STON2: variants seen among roughly 807,000 people sequenced by gnomAD.
The protein encoded by STON2 is stonin-2.
A neutral mutation model predicts 65.7 loss-of-function variants in STON2; 29 were observed. That is an observed-to-expected ratio of 0.44 (90% confidence interval 0.33 to 0.60). The LOEUF (loss-of-function observed/expected upper bound fraction) is 0.60. STON2 is among the 20% of genes least tolerant of loss of function. The probability of loss-of-function intolerance (pLI) is 0.03; values close to 1 mark genes in which losing one functional copy is unlikely to be tolerated. For synonymous variants in STON2, 404 were observed against 414.2 expected, an observed-to-expected ratio of 0.98 and a Z score of 0.30; for missense variants, 1,054 against 1,118.1, an observed-to-expected ratio of 0.94 and a Z score of 0.82.
chr14:81,301,359 AAAG>A (rs558770897), intron 5 of STON2, among the ~76,000 whole-genome samples: 14 of 151,302 alleles, frequency 9.3e-5, no homozygotes, highest in Middle Eastern at 3.4e-3. Flanking sequence ...GCTAAATGTA[AAAG>A]AAGGAATAAG....
intron 4 of STON2, among the ~76,000 whole-genome samples, chr14:81,350,983 TC>T (rs1898001993): frequency 6.6e-6 from 1 of 152,192 alleles, no homozygotes; most frequent in East Asian, 1.9e-4. Context: ...GTTAAATTAC[TC>T]ATCTGGGAAA....
At chr14:81,271,578 A>AG (rs112428577) in intron 6 of STON2, among the ~76,000 whole-genome samples, 10,726 of 152,198 alleles carry the variant, frequency 0.07, 1,274 homozygotes, top group African/African-American at 0.25. Context: ...AAGAGGGAGA[A>AG]GTACAACAGG....
intron 5 of STON2, among the ~76,000 whole-genome samples, chr14:81,290,771 T>C (rs918830454): frequency 1.1e-4 from 16 of 152,302 alleles, no homozygotes; most frequent in Admixed American, 2.0e-4. Context: ...GTCTTTTCAA[T>C]TGGATTTGGA....
At chr14:81,405,590 T>C (rs1333520104) in intron 2 of STON2, among the ~76,000 whole-genome samples, 1 of 151,760 alleles carries the variant, frequency 6.6e-6, no homozygotes, top group Admixed American at 6.6e-5. Context: ...GATTTGACTT[T>C]CCTCTGCAGA....
At chr14:81,409,666 G>A (rs940615682) in intron 2 of STON2, among the ~76,000 whole-genome samples, 1 of 152,096 alleles carries the variant, frequency 6.6e-6, no homozygotes, top group Non-Finnish European at 1.5e-5. Flanking sequence ...ACTAGATCAA[G>A]GTCACAGAGC....
Position 81,400,294 on chromosome 14 carries a change from G to C in STON2, c.-214C>G, listed in dbSNP as rs577860453. On this transcript the variant is annotated 5_prime_UTR_variant, in exon 1 of 8. Coordinates refer to ENST00000614646, the MANE Select transcript of STON2 (RefSeq NM_001394390.1). ...CAGATCTTACCAGAGAGCAGTGCAG[G>C]GTCCACAAGCACAAAGAGCTGATTC... Among the ~76,000 whole-genome samples the C allele has an allele frequency of 6.6e-6, 1 of 152,128 alleles. No homozygotes were observed. The highest frequency in any genetic ancestry group is 2.4e-5 in the African/African-American group (1 of 41,506).
chr14:81,430,578 C>A (rs1025734361), intron 1 of STON2, among the ~76,000 whole-genome samples: 10 of 152,150 alleles, frequency 6.6e-5, no homozygotes, highest in Non-Finnish European at 1.3e-4. Context: ...AAAGGTTGTA[C>A]ACTATGAATG....
intron 5 of STON2, among the ~76,000 whole-genome samples, chr14:81,295,100 G>A (rs891753162): frequency 4.6e-5 from 7 of 152,100 alleles, no homozygotes; most frequent in African/African-American, 7.2e-5. Context: ...CGAGGTGGGC[G>A]GATCACGAGG....
intron 6 of STON2, among the ~76,000 whole-genome samples, chr14:81,275,457 T>C (rs1566882017): frequency 6.6e-6 from 1 of 152,016 alleles, no homozygotes; most frequent in African/African-American, 2.4e-5. Flanking sequence ...AATTCCATGG[T>C]TGTCTCTTTC....
intron 1 of STON2, among the ~76,000 whole-genome samples, chr14:81,431,423 C>T (rs1016147883): frequency 3.3e-5 from 5 of 152,068 alleles, no homozygotes; most frequent in Non-Finnish European, 7.4e-5. Flanking sequence ...GGATCACTTG[C>T]GGTCAGGAGT....
In STON2 at chr14:81,264,873, A is replaced by C. The variant is rs899003070; in HGVS notation, c.*3541T>G. The C allele has an allele frequency of 2.0e-6, 2 of 985,310 alleles. No individual in the cohort carries two copies. The highest frequency in any genetic ancestry group is 3.5e-5 in the African/African-American group (2 of 57,224). The allele number at this position is 985,310 out of a possible 1,614,324, so 61.0% of individuals were successfully genotyped here. ...TAATGGTCTCCCCACAAAGTGCCTC[A>C]CATTGTCTTGTCTGACATGTCATGA... On this transcript the variant is annotated 3_prime_UTR_variant, in exon 8 of 8. Coordinates refer to ENST00000614646, the MANE Select transcript of STON2 (RefSeq NM_001394390.1).
intron 4 of STON2, among the ~76,000 whole-genome samples, chr14:81,347,782 G>A (rs1044791936): frequency 2.2e-4 from 32 of 148,624 alleles, no homozygotes; most frequent in Non-Finnish European, 7.4e-5. Flanking sequence ...GGTGACACAT[G>A]CTTGTAGTTC....
At chr14:81,320,478 A>G (rs1322763894) in intron 5 of STON2, among the ~76,000 whole-genome samples, 1 of 47,156 alleles carries the variant, frequency 2.1e-5, no homozygotes, top group Non-Finnish European at 4.9e-5. Context: ...GGGGAGAAAC[A>G]GCACTTCCAG....
At chr14:81,319,663 G>C (rs1896752428) in intron 5 of STON2, among the ~76,000 whole-genome samples, 1 of 152,114 alleles carries the variant, frequency 6.6e-6, no homozygotes, top group Admixed American at 6.5e-5. Flanking sequence ...TGAATTATTG[G>C]GTTTTAATCC....
rs1227604135 is a variant in STON2, at chr14:81,262,754, G to T, written c.*5660C>A. ...GACTCTTTCCAGCAGATTTGCTAAG[G>T]CACACTAGAAGAAATGTAAAAATCT... On this transcript the variant is annotated 3_prime_UTR_variant, in exon 8 of 8. Transcript: ENST00000614646. 1.6e-5 allele frequency: 16 copies of T among 985,146 alleles called. No individual in the cohort carries two copies. The highest frequency in any genetic ancestry group is 3.6e-6 in the Non-Finnish European group (3 of 829,892). 61.0% of individuals were successfully genotyped at this position (985,146 alleles called of 1,614,324 possible).
chr14:81,366,755 G>C (rs1190119089), intron 4 of STON2, among the ~76,000 whole-genome samples: 3 of 152,004 alleles, frequency 2.0e-5, no homozygotes, highest in Non-Finnish European at 2.9e-5. Flanking sequence ...CTTTCTTTGG[G>C]GGTAACAGAG....
intron 2 of STON2, among the ~76,000 whole-genome samples, chr14:81,397,722 T>C (rs527542866): frequency 6.6e-6 from 1 of 152,138 alleles, no homozygotes; most frequent in Non-Finnish European, 1.5e-5. Flanking sequence ...AATATAGTCA[T>C]CCTCCTTATG....
Position 81,336,396 on chromosome 14 carries a change from G to T in STON2, c.572-12209C>A, listed in dbSNP as rs543225126. 2.0e-5 allele frequency among the ~76,000 whole-genome samples: 3 copies of T among 152,034 alleles called. No homozygotes were observed. In the South Asian group the frequency reaches 6.3e-4, roughly 32 times the overall value. On this transcript the variant is annotated intron_variant, in intron 4 of 7. Coordinates refer to ENST00000614646, the MANE Select transcript of STON2 (RefSeq NM_001394390.1). ...TATGGCTGCTAAGTGGGAGAGTGAG[G>T]GCTCCTAGTGACCTCTTCTGACTTC...
chr14:81,390,042 T>C (rs1214793327), intron 3 of STON2, among the ~76,000 whole-genome samples: 1 of 151,274 alleles, frequency 6.6e-6, no homozygotes, highest in African/African-American at 2.4e-5. Flanking sequence ...ATGAAACCCA[T>C]CTCTACTAAA....
Sources: gnomAD v4.1 joint callset for allele counts (sites outside exome capture counted in the v4.1 genomes callset) on GRCh38, gnomAD v4.1.1 for gene constraint, MANE v1.5 for transcripts, NCBI Gene and HGNC (gene_info 2026-07-23, HGNC 2026-07-21) for gene names.